KLHL1: variants seen among roughly 807,000 people sequenced by gnomAD.
The protein encoded by KLHL1 is kelch-like protein 1.
KLHL1 carries 47 observed loss-of-function variants against 77.7 expected under a neutral mutation model. The ratio of observed to expected loss-of-function variants is 0.60; its 90% CI spans 0.48 to 0.77. The LOEUF (loss-of-function observed/expected upper bound fraction) is 0.77, where lower values mean the gene tolerates loss of function less well. KLHL1 is among the 30% of genes least tolerant of loss of function. The probability of loss-of-function intolerance (pLI) is 0.00; values close to 1 mark genes in which losing one functional copy is unlikely to be tolerated. For synonymous variants in KLHL1, 360 were observed against 325.2 expected, an observed-to-expected ratio of 1.11 and a Z score of -1.15; for missense variants, 925 against 910.8, an observed-to-expected ratio of 1.02 and a Z score of -0.20.
intron 4 of KLHL1, among the ~76,000 whole-genome samples, chr13:69,925,243 C>A (rs1882776891): frequency 6.6e-6 from 1 of 152,172 alleles, no homozygotes; most frequent in Non-Finnish European, 1.5e-5. Flanking sequence ...CTAGCTCCAA[C>A]ACTCATTGAG....
chr13:70,044,406 T>C (rs1662755854), intron 1 of KLHL1, among the ~76,000 whole-genome samples: 1 of 152,218 alleles, frequency 6.6e-6, no homozygotes, highest in Non-Finnish European at 1.5e-5. Flanking sequence ...GTACATTGTT[T>C]ATTTTGTAAT....
chr13:69,752,716 G>T (rs1341036613), intron 7 of KLHL1, among the ~76,000 whole-genome samples: 1 of 152,112 alleles, frequency 6.6e-6, no homozygotes, highest in Non-Finnish European at 1.5e-5. Flanking sequence ...TAAAGGTTGG[G>T]TAGAATTTTG....
chr13:69,922,201 C>T (rs1440239807), intron 4 of KLHL1, among the ~76,000 whole-genome samples: 1 of 152,058 alleles, frequency 6.6e-6, no homozygotes, highest in African/African-American at 2.4e-5. Context: ...CCTGCCTTGG[C>T]CTGCCAATGT....
At chr13:69,792,437 T>C (rs1025779802) in intron 7 of KLHL1, among the ~76,000 whole-genome samples, 3 of 152,184 alleles carry the variant, frequency 2.0e-5, no homozygotes, top group Non-Finnish European at 4.4e-5. Flanking sequence ...CTGATACCCT[T>C]ATACGTTGCT....
At chr13:69,866,053 C>A (rs766788305) in intron 5 of KLHL1, among the ~76,000 whole-genome samples, 2 of 152,010 alleles carry the variant, frequency 1.3e-5, no homozygotes, top group Non-Finnish European at 2.9e-5. Flanking sequence ...CTCATTGAAA[C>A]AAGAGTTCAG....
intron 4 of KLHL1, among the ~76,000 whole-genome samples, chr13:69,920,673 C>T (rs545545151): frequency 1.3e-5 from 2 of 150,252 alleles, no homozygotes; most frequent in Non-Finnish European, 1.5e-5. Flanking sequence ...TGCAGATATA[C>T]CTTTTCATAC....
chr13:69,769,155 G>C (rs1480219844), intron 7 of KLHL1, among the ~76,000 whole-genome samples: 1 of 152,224 alleles, frequency 6.6e-6, no homozygotes, highest in Non-Finnish European at 1.5e-5. Context: ...AGGGTTGTAA[G>C]TCAAGGAAGA....
At chr13:69,726,903 T>C (rs1320439199) in intron 8 of KLHL1, among the ~76,000 whole-genome samples, 1 of 152,166 alleles carries the variant, frequency 6.6e-6, no homozygotes, top group African/African-American at 2.4e-5. Context: ...CAGTACATGT[T>C]TGTGAAATTT....
chr13:69,857,065 C>T (rs1354929779), intron 5 of KLHL1, among the ~76,000 whole-genome samples: 1 of 152,012 alleles, frequency 6.6e-6, no homozygotes, highest in Non-Finnish European at 1.5e-5. Flanking sequence ...CCTGATAGAA[C>T]ACTGTATAAA....
chr13:70,007,056 T>G (rs182028975), intron 1 of KLHL1, among the ~76,000 whole-genome samples: 2 of 151,918 alleles, frequency 1.3e-5, no homozygotes, highest in Non-Finnish European at 2.9e-5. Context: ...AACAACCGGA[T>G]TGAAATTATG....
At chr13:70,102,056 T>C (rs1454702095) in intron 1 of KLHL1, among the ~76,000 whole-genome samples, 1 of 152,152 alleles carries the variant, frequency 6.6e-6, no homozygotes, top group Non-Finnish European at 1.5e-5. Flanking sequence ...CACTTTAGTT[T>C]CATAGAAGTA....
At chr13:69,780,723 T>TATATAC (rs1876126573) in intron 7 of KLHL1, among the ~76,000 whole-genome samples, 1 of 61,542 alleles carries the variant, frequency 1.6e-5, no homozygotes, top group Non-Finnish European at 3.5e-5. Flanking sequence ...TATGTATATA[T>TATATAC]ATATATATAC....
intron 9 of KLHL1, among the ~76,000 whole-genome samples, chr13:69,709,390 A>G (rs1255585475): frequency 6.6e-6 from 1 of 152,144 alleles, no homozygotes; most frequent in African/African-American, 2.4e-5. Context: ...GGAATATTTT[A>G]TAAAGTAACT....
chr13:70,100,114 T>A (rs551836526), intron 1 of KLHL1, among the ~76,000 whole-genome samples: 1 of 152,198 alleles, frequency 6.6e-6, no homozygotes, highest in South Asian at 2.1e-4. Flanking sequence ...ATGTTCATTT[T>A]ATAGATCAAC....
At chr13:69,998,480 T>C (rs1885210961) in intron 1 of KLHL1, among the ~76,000 whole-genome samples, 1 of 151,982 alleles carries the variant, frequency 6.6e-6, no homozygotes, top group South Asian at 2.1e-4. Context: ...GCTCACATAA[T>C]CTTAGAATAT....
chr13:70,080,385 C>G (rs943531111), intron 1 of KLHL1, among the ~76,000 whole-genome samples: 1 of 152,118 alleles, frequency 6.6e-6, no homozygotes, highest in Non-Finnish European at 1.5e-5. Context: ...GAGGAACGAT[C>G]TTTAAAATTA....
At chr13:69,856,938 T>A (rs1003474731) in intron 5 of KLHL1, among the ~76,000 whole-genome samples, 5 of 152,034 alleles carry the variant, frequency 3.3e-5, no homozygotes, top group African/African-American at 1.2e-4. Context: ...CTCTTAGCAT[T>A]TGATATAATG....
At chr13:69,842,976 G>A (rs1408031725) in intron 5 of KLHL1, among the ~76,000 whole-genome samples, 1 of 151,706 alleles carries the variant, frequency 6.6e-6, no homozygotes, top group Non-Finnish European at 1.5e-5. Flanking sequence ...TTATGTGGGA[G>A]TTAAGAAAAT....
At chr13:70,098,035 C>T (rs1025812932) in intron 1 of KLHL1, among the ~76,000 whole-genome samples, 2 of 151,534 alleles carry the variant, frequency 1.3e-5, no homozygotes, top group Non-Finnish European at 3.0e-5. Context: ...AATATTAAAG[C>T]CTAGATAAAG....
Sources: gnomAD v4.1 joint callset for allele counts (sites outside exome capture counted in the v4.1 genomes callset) on GRCh38, gnomAD v4.1.1 for gene constraint, MANE v1.5 for transcripts, NCBI Gene and HGNC (gene_info 2026-07-23, HGNC 2026-07-21) for gene names.